FAM161B: variants seen among roughly 807,000 people sequenced by gnomAD.
FAM161B encodes FAM161 centrosomal protein B, also known as protein FAM161B.
In FAM161B, 46 loss-of-function variants were observed where a neutral mutation model predicts 61.5. That is an observed-to-expected ratio of 0.75 (90% CI 0.59 to 0.96). The LOEUF is 0.96. Among genes scored for constraint, FAM161B ranks in the 40% least tolerant of loss-of-function variants. The probability of loss-of-function intolerance (pLI) is 0.00; values close to 1 mark genes in which losing one functional copy is unlikely to be tolerated. For missense variants in FAM161B, 774 were observed against 800.7 expected (o/e 0.97, Z 0.40); for synonymous variants, 284 against 302.7 (o/e 0.94, Z 0.64).
chr14:73,936,016 C>A lies in FAM161B; in HGVS notation c.1738G>T (p.Val580Leu). Reference protein sequence around the residue: ...LKQAGLEEDFVRNKGQGTRAV... With the variant: ...LKQAGLEEDFLRNKGQGTRAV... ...CGGGTGCCTTGACCCTTGTTTCTCA[C>A]AAAGTCTTCCTCCAGCCCAGCCTGC... Residue 580 changes from valine to leucine, a missense_variant, in exon 8 of 9, where the codon GTG becomes TTG. Coordinates refer to ENST00000286544, the MANE Select transcript of FAM161B (RefSeq NM_152445.3). 6.2e-7 allele frequency: 1 copy of A among 1,613,866 alleles called. No individual in the cohort carries two copies. The highest frequency in any genetic ancestry group is 8.5e-7 in the Non-Finnish European group (1 of 1,179,830).
chr14:73,929,054 T>C (rs1007937553), downstream of FAM161B, among the ~76,000 whole-genome samples: 9 of 152,204 alleles, frequency 5.9e-5, no homozygotes, highest in Non-Finnish European at 1.3e-4. Context: ...AAAGGGAAAG[T>C]GCTGTCCTGG....
At chr14:73,926,664 A>T (rs927772369), downstream of FAM161B, among the ~76,000 whole-genome samples, 2 of 152,032 alleles carry the variant, frequency 1.3e-5, no homozygotes, top group African/African-American at 4.8e-5. Flanking sequence ...CAAACTCCTG[A>T]CCTCAAGTGA....
At chr14:73,931,414 A>T, downstream of FAM161B, 2 of 1,178,510 alleles carry the variant, frequency 1.7e-6, no homozygotes, top group African/African-American at 1.5e-5. Context: ...TGCATTCTCC[A>T]TCCTCCACTC....
rs748253612 is a variant in FAM161B at position 73,944,407 on chromosome 14, T to A, written c.853A>T (p.Ile285Phe). ...CTTCTGGTGGCCTTCTGCTTGGAGA[T>A]CTTGGCTTCAGCTGTGGCTGCCAAG... ...RDLAATAEAK[I>F]SKQKATRRIP... The change falls in exon 3 of 9, where the codon ATC (isoleucine) becomes TTC (phenylalanine). Residue 285 changes from isoleucine to phenylalanine, a missense_variant. Coordinates refer to ENST00000286544, the MANE Select transcript of FAM161B (RefSeq NM_152445.3). 14 of 1,611,124 alleles carry A rather than the reference T, an allele frequency of 8.7e-6. No individual in the cohort carries two copies. The South Asian group carries it at 9.9e-5, about 11-fold the overall frequency.
chr14:73,927,246 C>T (rs137901788), downstream of FAM161B: 37 of 220,654 alleles, frequency 1.7e-4, no homozygotes, highest in African/African-American at 5.0e-4. Flanking sequence ...CCACCACGCC[C>T]GGCTGTATTT....
Position 73,938,063 on chromosome 14 carries a change from C to T in FAM161B, c.1450G>A (p.Glu484Lys), listed in dbSNP as rs770312127. 1.9e-6 allele frequency: 3 copies of T among 1,614,154 alleles called. No individual in the cohort carries two copies. In the East Asian group the frequency reaches 6.7e-5, roughly 36 times the overall value. Residue 484 changes from glutamate to lysine, a missense_variant, in exon 6 of 9, where the codon GAG (glutamate) becomes AAG (lysine). By Grantham distance (56) the Glu-to-Lys change is moderately conservative. Coordinates refer to ENST00000286544, the MANE Select transcript of FAM161B (RefSeq NM_152445.3). ...NKADESIQWL[E>K]IHKKKSQAMS... ...GCTTGAGACTTCTTTTTGTGTATCT[C>T]CAGCCACTGAATACTCTCATCTGCT...
intron 2 of FAM161B, 88 bp downstream of exon 2, chr14:73,946,198 G>T: frequency 7.3e-7 from 1 of 1,378,552 alleles, no homozygotes; most frequent in Non-Finnish European, 9.9e-7. Flanking sequence ...AGTGCTCTTT[G>T]CTTTACAGAG....
At chr14:73,940,864 G>A in intron 5 of FAM161B, 62 bp downstream of exon 5, 1 of 1,548,990 alleles carries the variant, frequency 6.5e-7, no homozygotes, top group Non-Finnish European at 8.7e-7. Context: ...CCCTTGGCAG[G>A]GAGGTTTCCA....
chr14:73,927,093 T>A (rs1355304866), downstream of FAM161B: 1 of 165,044 alleles, frequency 6.1e-6, no homozygotes, highest in African/African-American at 2.4e-5. Flanking sequence ...ATTATGATTT[T>A]TTTTTTTTTT....
rs1431972991 is a variant in FAM161B at position 73,933,660 on chromosome 14, A to T, written c.*596T>A. ...CTACACCCACTCCATGGACGCATTT[A>T]TGTTTCTGCACTAGCCCCTTATAGG... On this transcript the variant is annotated 3_prime_UTR_variant, in exon 9 of 9. Coordinates refer to ENST00000286544, the MANE Select transcript of FAM161B (RefSeq NM_152445.3). The T allele has an allele frequency of 3.3e-5, 5 of 152,196 alleles. No homozygotes were observed. 9.4% of individuals were successfully genotyped at this position (152,196 alleles called of 1,614,324 possible).
In FAM161B at chr14:73,946,550, TC is replaced by T. The variant is rs1254149278; in HGVS notation, c.109del (p.Asp37MetfsTer21). ...DTEAGEELSG[D>X]GLVLPRASKL... ...GCTGGCCCTGGGCAAAACCAGCCCA[TC>T]CCCGGACAGCTCCTCTCCTGCCTCT... On this transcript the variant is annotated frameshift_variant, in exon 2 of 9. Transcript: ENST00000286544. LOFTEE classifies it high-confidence loss of function. 6.2e-7 allele frequency: 1 copy of T among 1,613,994 alleles called. No individual in the cohort carries two copies. The highest frequency in any genetic ancestry group is 1.3e-5 in the African/African-American group (1 of 74,886).
rs767072318 is a variant in FAM161B, at chr14:73,944,516, C to T, written c.744G>A (p.Arg248=). 49 of 1,614,042 alleles carry T rather than the reference C, an allele frequency of 3.0e-5. No homozygotes were observed. Among genetic ancestry groups the T allele is most frequent in the Non-Finnish European group, 3.9e-5 (46 of 1,180,042 alleles). ...EARRQAGIQK[R]KELLLSSLKP... is the part of the protein sequence containing the mutation. Reference sequence around the variant, plus strand: ...TCAAAGAAGAGAGGAGCAGTTCCTTCCTCTTCTGGATCCCTGCCTGCCTTC... The same window carrying T: ...TCAAAGAAGAGAGGAGCAGTTCCTTTCTCTTCTGGATCCCTGCCTGCCTTC... The change falls in exon 3 of 9, where the codon AGG becomes AGA. Residue 248 remains arginine, a synonymous_variant. Transcript: ENST00000286544.
At chr14:73,947,426 A>T (rs550034209) in intron 1 of FAM161B, among the ~76,000 whole-genome samples, 1 of 151,610 alleles carries the variant, frequency 6.6e-6, no homozygotes, top group African/African-American at 2.4e-5. Context: ...TTAACAAGAC[A>T]GACAGTATGG....
At chr14:73,936,936 C>T (rs896592087) in intron 7 of FAM161B, among the ~76,000 whole-genome samples, 6 of 152,306 alleles carry the variant, frequency 3.9e-5, no homozygotes, top group East Asian at 1.9e-4. Context: ...TACATCCTTA[C>T]GGAGATCTCA....
chr14:73,923,485 A>G, the FAM161B span: 7 of 1,613,812 alleles, frequency 4.3e-6, no homozygotes, highest in Admixed American at 5.0e-5. Flanking sequence ...AGGCAATCAT[A>G]TGAAGTTTCT....
At chr14:73,937,399 C>G (rs974694966) in intron 7 of FAM161B, among the ~76,000 whole-genome samples, 3 of 152,124 alleles carry the variant, frequency 2.0e-5, no homozygotes, top group African/African-American at 7.2e-5. Flanking sequence ...TTTATCGATG[C>G]CTTTGGAGTC....
rs549002987 is a variant in FAM161B at position 73,949,683 on chromosome 14, T to C, written c.54+290A>G. ...CAAATTTGGGGAGCAATTTTCTTAA[T>C]CTCTTTGTGCCTCAGTTTTCTCTTC... On this transcript the variant is annotated intron_variant, in intron 1 of 8. Transcript: ENST00000286544. Among the ~76,000 whole-genome samples, 9 of 141,688 alleles carry C rather than the reference T, an allele frequency of 6.4e-5. No homozygotes were observed. The South Asian group carries it at 2.2e-3, about 34-fold the overall frequency. 93.0% of individuals were successfully genotyped at this position (141,688 alleles called of 152,430 possible). A position where few individuals can be genotyped will look rare whatever the true frequency, so the allele number is the denominator to read the frequency against.
chr14:73,942,677 C>A lies in FAM161B; in HGVS notation c.964G>T (p.Ala322Ser), dbSNP rs2056030275. The A allele has an allele frequency of 6.2e-7, 1 of 1,613,960 alleles. No individual in the cohort carries two copies. Among genetic ancestry groups the A allele is most frequent in the Non-Finnish European group, 8.5e-7 (1 of 1,179,910 alleles). ...GAGGCCATCTGGAGCATGTCCAGGG[C>A]TCTCATTTGGATGCGAATTTTCCTG... ...LFRKIRIQMR[A>S]LDMLQMASSP... Residue 322 changes from alanine to serine, a missense_variant, in exon 4 of 9, where the codon GCC becomes TCC. Transcript: ENST00000286544.
At chr14:73,940,828 G>T in intron 5 of FAM161B, 98 bp downstream of exon 5, 2 of 1,483,880 alleles carry the variant, frequency 1.3e-6, no homozygotes, top group Non-Finnish European at 1.8e-6. Flanking sequence ...ACCCCTTGAG[G>T]TATCTCTGAT....
Sources: allele counts gnomAD v4.1 joint callset (sites outside exome capture counted in the v4.1 genomes callset), GRCh38; gene constraint gnomAD v4.1.1; transcripts MANE v1.5; gene names NCBI Gene and HGNC (gene_info 2026-07-23, HGNC 2026-07-21).